The following SPATA6L variants were observed in gnomAD, a reference collection of about 807,000 sequenced individuals.
The protein encoded by SPATA6L is spermatogenesis associated 6 like, also known as spermatogenesis associated 6-like protein.
In SPATA6L, 68 loss-of-function variants were observed where a neutral mutation model predicts 49.2. The observed-to-expected ratio is 1.38, with a 90% confidence interval of 1.14 to 1.69. The LOEUF (loss-of-function observed/expected upper bound fraction) is 1.69. SPATA6L is among the 40% of genes most tolerant of loss of function. SPATA6L has a pLI of 0.00. For missense variants in SPATA6L, 668 were observed against 464.3 expected, an observed-to-expected ratio of 1.44 and a Z score of -4.03; for synonymous variants, 198 against 165.7, an observed-to-expected ratio of 1.19 and a Z score of -1.50.
chr9:4,635,478 T>C (rs2130569892), intron 3 of SPATA6L, 79 bp from the exon 4 acceptor site: 3 of 1,378,318 alleles, frequency 2.2e-6, no homozygotes, highest in African/African-American at 1.5e-5. Context: ...AGGCAGATGA[T>C]GGCAGAGATG....
intron 4 of SPATA6L, among the ~76,000 whole-genome samples, chr9:4,629,794 T>TATATATATATATATATATAC (rs1448249817): frequency 1.4e-5 from 2 of 146,388 alleles, no homozygotes; most frequent in African/African-American, 5.1e-5. Flanking sequence ...TATATATATA[T>TATATATATATATATATATAC]ATATGCCCTA....
intron 10 of SPATA6L, 141 bp downstream of exon 10, chr9:4,605,206 G>A (rs989266240): frequency 2.9e-5 from 19 of 666,138 alleles, no homozygotes; most frequent in Admixed American, 1.2e-4. Context: ...CAGGACAACA[G>A]GTAATCTCCT....
At chr9:4,659,553 T>C (rs1422363019) in intron 2 of SPATA6L, among the ~76,000 whole-genome samples, 2 of 152,070 alleles carry the variant, frequency 1.3e-5, no homozygotes, top group Admixed American at 1.3e-4. Context: ...GGAAGAAGAT[T>C]CCATGCTCAT....
intron 11 of SPATA6L, among the ~76,000 whole-genome samples, chr9:4,603,901 C>T (rs955311238): frequency 3.3e-5 from 5 of 152,040 alleles, no homozygotes; most frequent in African/African-American, 7.2e-5. Flanking sequence ...GAAAAAGCTC[C>T]GTGTTCAAGA....
chr9:4,601,122 C>A (rs940374062), intron 11 of SPATA6L, among the ~76,000 whole-genome samples: 4 of 152,174 alleles, frequency 2.6e-5, no homozygotes, highest in African/African-American at 9.7e-5. Context: ...AGGTGTTATT[C>A]AGTTGAGCTG....
chr9:4,639,995 C>T (rs887679144), intron 3 of SPATA6L, among the ~76,000 whole-genome samples: 1 of 152,180 alleles, frequency 6.6e-6, no homozygotes, highest in African/African-American at 2.4e-5. Context: ...AAGTTCTTTC[C>T]TTGCTAATGC....
chr9:4,629,769 G>GTGTGTGTATATATATA lies in SPATA6L; in HGVS notation c.352-602_352-601insTATATATATACACACA, dbSNP rs1311805859. ...GTGTTTTATATATGTGTGTGTGTGT[G>GTGTGTGTATATATATA]TATATATATATATATATATATATAT... On this transcript the variant is annotated intron_variant, in intron 4 of 11. Transcript: ENST00000682582. 5.4e-3 allele frequency among the ~76,000 whole-genome samples: 550 copies of GTGTGTGTATATATATA among 101,864 alleles called. 7 individuals carry two copies. The highest frequency in any genetic ancestry group is 0.022 in the Middle Eastern group (4 of 180). The allele number at this position is 101,864 out of a possible 152,430, so 66.8% of individuals were successfully genotyped here.
intron 3 of SPATA6L, among the ~76,000 whole-genome samples, chr9:4,648,436 A>G (rs1431164190): frequency 1.3e-5 from 2 of 152,134 alleles, no homozygotes; most frequent in East Asian, 3.9e-4. Context: ...ACCGTGGCTC[A>G]CGCCTGTAAT....
intron 3 of SPATA6L, among the ~76,000 whole-genome samples, chr9:4,641,296 A>G (rs1178068293): frequency 6.6e-6 from 1 of 152,224 alleles, no homozygotes. Context: ...GGTTGGTTTC[A>G]GGAACCCTTG....
At chr9:4,658,911 C>G in intron 2 of SPATA6L, among the ~76,000 whole-genome samples, 1 of 143,508 alleles carries the variant, frequency 7.0e-6, no homozygotes, top group Non-Finnish European at 1.5e-5. Context: ...GGTCTTGCCA[C>G]TGCACTCCAG....
chr9:4,622,616 T>A (rs1216587191), intron 6 of SPATA6L, 106 bp from the exon 7 acceptor site: 29 of 772,108 alleles, frequency 3.8e-5, no homozygotes. Context: ...TTACACGGGT[T>A]GGAAAAAGAA....
chr9:4,666,473 G>A lies in SPATA6L; in HGVS notation c.-223C>T. On this transcript the variant is annotated 5_prime_UTR_variant, in exon 1 of 12. It adds an upstream start codon to the 5' untranslated region. Transcript: ENST00000682582. ...GTGCAGGCTTCCAGAAGGCGGAAGCGTGGCGTTGCCAGGGACACTCAAACG... is the reference window on the plus strand; with the variant it reads ...GTGCAGGCTTCCAGAAGGCGGAAGCATGGCGTTGCCAGGGACACTCAAACG... The A allele has an allele frequency of 1.7e-6, 1 of 572,646 alleles. No individual in the cohort carries two copies. Among genetic ancestry groups the A allele is most frequent in the East Asian group, 2.9e-5 (1 of 34,222 alleles). 35.5% of individuals were successfully genotyped at this position (572,646 alleles called of 1,614,324 possible).
chr9:4,656,239 G>C (rs1838150377), intron 2 of SPATA6L, 150 bp from the exon 3 acceptor site: 1 of 606,000 alleles, frequency 1.7e-6, no homozygotes, highest in South Asian at 2.0e-5. Context: ...AGGAGTTTCA[G>C]ACCAGCCTGG....
intron 3 of SPATA6L, among the ~76,000 whole-genome samples, chr9:4,639,104 G>T (rs1444016567): frequency 1.3e-5 from 2 of 152,096 alleles, no homozygotes; most frequent in South Asian, 2.1e-4. Context: ...CTGTAAAGAC[G>T]AATGACAAAG....
At chr9:4,646,468 G>A (rs915853328) in intron 3 of SPATA6L, 143 of 1,497,134 alleles carry the variant, frequency 9.6e-5, no homozygotes, top group Admixed American at 4.0e-4. Context: ...ATTTAGAAAC[G>A]GATTTACTGC....
intron 13 of SPATA6L, chr9:4,589,078 T>A (rs1031112142): frequency 6.6e-6 from 1 of 152,234 alleles, no homozygotes; most frequent in Non-Finnish European, 1.5e-5. Flanking sequence ...TGGAACACGA[T>A]GAGTGGGCAC....
chr9:4,596,775 C>G (rs1385170938), downstream of SPATA6L, among the ~76,000 whole-genome samples: 1 of 152,082 alleles, frequency 6.6e-6, no homozygotes, highest in Non-Finnish European at 1.5e-5. Flanking sequence ...TCTGTGATGC[C>G]TCAGGGCCAA....
intron 11 of SPATA6L, among the ~76,000 whole-genome samples, chr9:4,601,807 C>T (rs1378055198): frequency 1.3e-5 from 2 of 152,200 alleles, no homozygotes; most frequent in Non-Finnish European, 2.9e-5. Flanking sequence ...GTCCTCCCAA[C>T]CCACAGGAGT....
intron 3 of SPATA6L, among the ~76,000 whole-genome samples, chr9:4,650,869 T>TGTGTGTGTGC (rs1554739997): frequency 4.2e-5 from 5 of 118,486 alleles, no homozygotes; most frequent in African/African-American, 1.6e-4. Flanking sequence ...TGTGTGTGTG[T>TGTGTGTGTGC]GTGTGTATTT....
Sources: gnomAD v4.1 joint callset for allele counts (sites outside exome capture counted in the v4.1 genomes callset) on GRCh38, gnomAD v4.1.1 for gene constraint, MANE v1.5 for transcripts, NCBI Gene and HGNC (gene_info 2026-07-23, HGNC 2026-07-21) for gene names.